Variants in SNX32 observed in about 807,000 individuals in gnomAD.
SNX32 encodes sorting nexin 32.
Under a neutral mutation model 57.0 loss-of-function variants are expected in SNX32, and 58 were observed. That is an observed-to-expected ratio of 1.02 (90% CI 0.82 to 1.27). The LOEUF is 1.27. Ranked by LOEUF, SNX32 falls within the 50% of genes most tolerant of loss-of-function variation. The pLI, the probability that SNX32 is intolerant of heterozygous loss-of-function variation, is 0.00. For missense variants in SNX32, 589 were observed against 541.2 expected, an observed-to-expected ratio of 1.09 and a Z score of -0.88; for synonymous variants, 262 against 220.4, an observed-to-expected ratio of 1.19 and a Z score of -1.67.
intron 1 of SNX32, among the ~76,000 whole-genome samples, chr11:65,848,723 C>A (rs78731838): frequency 0.016 from 2,459 of 152,280 alleles, 72 homozygotes; most frequent in African/African-American, 0.057. Flanking sequence ...GTTTTGGCAA[C>A]CCCCGCAAAA....
Position 65,843,097 on chromosome 11 carries a change from T to C in SNX32, c.37-6381T>C, listed in dbSNP as rs1360007566. Among the ~76,000 whole-genome samples the C allele has an allele frequency of 4.6e-5, 7 of 150,708 alleles. No individual in the cohort carries two copies. The Admixed American group carries it at 4.6e-4, about 10-fold the overall frequency. The stretch of plus-strand genomic sequence containing the variant: ...AAATTAGCTGGGCGTGGTGGGCACC[T>C]GTAGTCCCAGCTACTAGGGAGGCTG... On this transcript the variant is annotated intron_variant, in intron 1 of 12. Coordinates refer to ENST00000308342, the MANE Select transcript of SNX32 (RefSeq NM_152760.3).
At chr11:65,849,835 A>G in intron 2 of SNX32, 85 bp from the exon 3 acceptor site, 1 of 1,088,356 alleles carries the variant, frequency 9.2e-7, no homozygotes, top group Non-Finnish European at 1.3e-6. Context: ...ATGTGGGATG[A>G]GGGGGGCCCA....
In SNX32 at chr11:65,853,470, A is replaced by AG; in HGVS notation, c.*138dup. On this transcript the variant is annotated 3_prime_UTR_variant, in exon 13 of 13. Transcript: ENST00000308342. Reference sequence around the variant, plus strand: ...CCCTCACTCTGCCCCACATCCTCTCAGGGAAAGCCCAAACCCCCTATCACC... The same window carrying AG: ...CCCTCACTCTGCCCCACATCCTCTCAGGGGAAAGCCCAAACCCCCTATCACC... 2.2e-6 allele frequency: 2 copies of AG among 895,302 alleles called. No homozygotes were observed. The highest frequency in any genetic ancestry group is 3.6e-6 in the Non-Finnish European group (2 of 563,282). The allele number at this position is 895,302 out of a possible 1,614,324, so 55.5% of individuals were successfully genotyped here.
rs1160005911 is a variant in SNX32 at position 65,850,755 on chromosome 11, G to C, written c.503G>C (p.Ser168Thr). ...FVFLEYGQDL[S>T]VRGKNRKELL... Reference sequence around the variant, plus strand: ...TACCCTCCCTGTGTGCCTCAGCTGAGTGTCCGGGGGAAGAACAGGAAGGAG... The same window carrying C: ...TACCCTCCCTGTGTGCCTCAGCTGACTGTCCGGGGGAAGAACAGGAAGGAG... Residue 168 changes from serine to threonine, a missense_variant, in exon 6 of 13, where the codon AGT becomes ACT. Physicochemically the swap from Ser to Thr is moderately conservative, Grantham distance 58. Transcript: ENST00000308342. 1 of 1,614,038 alleles carries C rather than the reference G, an allele frequency of 6.2e-7. No individual in the cohort carries two copies. Among genetic ancestry groups the C allele is most frequent in the Admixed American group, 1.7e-5 (1 of 60,022 alleles).
chr11:65,842,899 G>A (rs1484923885), intron 1 of SNX32, among the ~76,000 whole-genome samples: 5 of 136,110 alleles, frequency 3.7e-5, no homozygotes, highest in Admixed American at 8.0e-5. Context: ...GCAATGAGCC[G>A]AGATCCGCCA....
At chr11:65,839,697 C>T (rs1357902191) in intron 1 of SNX32, among the ~76,000 whole-genome samples, 2 of 148,612 alleles carry the variant, frequency 1.3e-5, no homozygotes, top group Middle Eastern at 3.4e-3. Flanking sequence ...CACACCACTG[C>T]ACTCTAGCCT....
In SNX32 at chr11:65,850,006, G is replaced by C. The variant is rs541868573; in HGVS notation, c.228G>C (p.Glu76Asp). The change falls in exon 3 of 13, where the codon GAG becomes GAC. Residue 76 changes from glutamate to aspartate, a missense_variant. Coordinates refer to ENST00000308342, the MANE Select transcript of SNX32 (RefSeq NM_152760.3). ...TCTGGCTGCATGATGCCTACGTGGAGAATGAGGAGTACGCCGGCCTCATCG... is the reference window on the plus strand; with the variant it reads ...TCTGGCTGCATGATGCCTACGTGGACAATGAGGAGTACGCCGGCCTCATCG... ...EFIWLHDAYV[E>D]NEEYAGLIIP... The C allele has an allele frequency of 1.2e-6, 2 of 1,613,988 alleles. No homozygotes were observed. The highest frequency in any genetic ancestry group is 1.3e-5 in the African/African-American group (1 of 75,074).
In SNX32 at chr11:65,838,040, C is replaced by T. The variant is rs558309350; in HGVS notation, c.36+3939C>T. On this transcript the variant is annotated intron_variant, in intron 1 of 12. Transcript: ENST00000308342. ...GTGTACTGGCAGGCACCTGTAATCC[C>T]AGCTACTCGGGAGGCTGAGGTAGGA... is the stretch of plus-strand genomic sequence containing the variant. Among the ~76,000 whole-genome samples the T allele has an allele frequency of 2.6e-5, 4 of 152,090 alleles. No individual in the cohort carries two copies. The East Asian group carries it at 7.7e-4, about 29-fold the overall frequency.
intron 1 of SNX32, among the ~76,000 whole-genome samples, chr11:65,834,906 CTGTG>C (rs1858622099): frequency 6.8e-6 from 1 of 147,072 alleles, no homozygotes; most frequent in Admixed American, 6.8e-5. Flanking sequence ...CTTTGTATAT[CTGTG>C]TGTGTCTATG....
chr11:65,852,726 G>A lies in SNX32; in HGVS notation c.1009G>A (p.Ala337Thr), dbSNP rs569746823. The A allele has an allele frequency of 1.6e-4, 260 of 1,603,750 alleles. No homozygotes were observed. Among genetic ancestry groups the A allele is most frequent in the Non-Finnish European group, 2.2e-4 (254 of 1,178,000 alleles). ...CACCAGGAACCGGGAGGTGCGGCCC[G>A]CCGAGAGCCACCAGCAGCTGTGCTG... ...ARTRNREVRP[A>T]ESHQQLCCQR... Residue 337 changes from alanine to threonine, a missense_variant, in exon 11 of 13, where the codon GCC becomes ACC. Transcript: ENST00000308342.
chr11:65,835,098 CTG>C (rs965417027), intron 1 of SNX32, among the ~76,000 whole-genome samples: 1 of 150,358 alleles, frequency 6.7e-6, no homozygotes, highest in Non-Finnish European at 1.5e-5. Flanking sequence ...TCTCGTGTGT[CTG>C]TGTGTGTGTA....
rs1859286893 is a variant in SNX32 at position 65,853,319 on chromosome 11, T to G, written c.1196T>G (p.Leu399Arg). The G allele has an allele frequency of 6.2e-7, 1 of 1,613,948 alleles. No homozygotes were observed. The highest frequency in any genetic ancestry group is 1.3e-5 in the African/African-American group (1 of 74,894). Reference protein sequence around the residue: ...TLILRNTLVALKGEP With the variant: ...TLILRNTLVARKGEP Reference sequence around the variant, plus strand: ...ATTCTCCGGAACACCCTTGTTGCCCTAAAGGGGGAGCCTTAGAGTAGCCAG... The same window carrying G: ...ATTCTCCGGAACACCCTTGTTGCCCGAAAGGGGGAGCCTTAGAGTAGCCAG... Residue 399 changes from leucine to arginine, a missense_variant, in exon 13 of 13, where the codon CTA becomes CGA. Coordinates refer to ENST00000308342, the MANE Select transcript of SNX32 (RefSeq NM_152760.3).
chr11:65,845,236 G>A (rs533628295), intron 1 of SNX32, among the ~76,000 whole-genome samples: 3 of 150,742 alleles, frequency 2.0e-5, no homozygotes, highest in South Asian at 2.1e-4. Context: ...TCTGGAGATC[G>A]AGACCATCCT....
chr11:65,834,435 C>G (rs1048078437), intron 1 of SNX32, among the ~76,000 whole-genome samples: 6 of 142,106 alleles, frequency 4.2e-5, no homozygotes, highest in Admixed American at 1.4e-4. Flanking sequence ...CTCCGTGTCT[C>G]TGTGTGTGTG....
At chr11:65,846,856 G>A (rs1215517718) in intron 1 of SNX32, among the ~76,000 whole-genome samples, 11 of 152,030 alleles carry the variant, frequency 7.2e-5, no homozygotes, top group Middle Eastern at 3.4e-3. Context: ...GGTGGCGGGC[G>A]CCTGTAATCC....
chr11:65,845,555 A>T (rs948623637), intron 1 of SNX32, among the ~76,000 whole-genome samples: 1 of 151,494 alleles, frequency 6.6e-6, no homozygotes, highest in Non-Finnish European at 1.5e-5. Context: ...TGGCCAACAT[A>T]ATGAAACCCC....
At chr11:65,839,586 C>A (rs1858781193) in intron 1 of SNX32, among the ~76,000 whole-genome samples, 1 of 150,694 alleles carries the variant, frequency 6.6e-6, no homozygotes, top group Non-Finnish European at 1.5e-5. Flanking sequence ...CTCAGGTGAT[C>A]CACTCGCCTC....
Position 65,853,528 on chromosome 11 carries a change from G to C in SNX32, c.*193G>C. 1 of 611,754 alleles carries C rather than the reference G, an allele frequency of 1.6e-6. No homozygotes were observed. Among genetic ancestry groups the C allele is most frequent in the Non-Finnish European group, 2.9e-6 (1 of 345,100 alleles). 37.9% of individuals were successfully genotyped at this position (611,754 alleles called of 1,614,324 possible). On this transcript the variant is annotated 3_prime_UTR_variant, in exon 13 of 13. Transcript: ENST00000308342. ...CAGGTGCCAGGCCCTGCAAGACACAGGGCAGCATGGGCATCATAACTGGCC... is the reference window on the plus strand; with the variant it reads ...CAGGTGCCAGGCCCTGCAAGACACACGGCAGCATGGGCATCATAACTGGCC...
chr11:65,834,137 CCT>C (rs1330193873), intron 1 of SNX32, 36 bp downstream of exon 1: 31 of 1,547,980 alleles, frequency 2.0e-5, no homozygotes, highest in Non-Finnish European at 2.7e-5. Context: ...CCCAGCCTCC[CCT>C]CACTCCATGA....
Sources: gnomAD v4.1 joint callset for allele counts (sites outside exome capture counted in the v4.1 genomes callset) on GRCh38, gnomAD v4.1.1 for gene constraint, MANE v1.5 for transcripts, NCBI Gene and HGNC (gene_info 2026-07-23, HGNC 2026-07-21) for gene names.